Variants in TYR observed in about 807,000 individuals in gnomAD.
TYR encodes the protein tyrosinase.
TYR carries 58 observed loss-of-function variants against 51.5 expected under a neutral mutation model. The observed-to-expected ratio is 1.13, with a 90% CI of 0.91 to 1.40. The LOEUF (loss-of-function observed/expected upper bound fraction) is 1.40. Among genes scored for constraint, TYR ranks in the 40% most tolerant of loss-of-function variants. TYR has a pLI of 0.00. For synonymous variants in TYR, 263 were observed against 235.2 expected, an observed-to-expected ratio of 1.12 and a Z score of -1.08; for missense variants, 732 against 647.4, an observed-to-expected ratio of 1.13 and a Z score of -1.42.
rs1944241823 is a variant in TYR at position 89,244,707 on chromosome 11, T to C, written c.1184+16737T>C. Among the ~76,000 whole-genome samples, 3 of 152,174 alleles carry C rather than the reference T, an allele frequency of 2.0e-5. No homozygotes were observed. In the South Asian group the frequency reaches 6.2e-4, roughly 32 times the overall value. On this transcript the variant is annotated intron_variant, in intron 3 of 4. Coordinates refer to ENST00000263321, the MANE Select transcript of TYR (RefSeq NM_000372.5). ...ATATTTCCTTCTTTGCACATTCCCA[T>C]TCAAGAATGGCTTATACAGAAAAAA...
At position 89,295,249 on chromosome 11, in the gene TYR, G is replaced by C. The variant is rs753969940; in HGVS notation, c.1473G>C (p.Leu491=). The change falls in exon 5 of 5, where the codon CTG becomes CTC. Residue 491 remains leucine, a synonymous_variant. Transcript: ENST00000263321. Reference sequence around the variant, plus strand: ...TGGTAGGGGCCGTCCTCACTGCCCTGCTGGCAGGGCTTGTGAGCTTGCTGT... The same window carrying C: ...TGGTAGGGGCCGTCCTCACTGCCCTCCTGGCAGGGCTTGTGAGCTTGCTGT... ...AAMVGAVLTA[L]LAGLVSLLCR... is the part of the protein sequence containing the mutation. 1.2e-6 allele frequency: 2 copies of C among 1,613,978 alleles called. No individual in the cohort carries two copies. Among genetic ancestry groups the C allele is most frequent in the South Asian group, 2.2e-5 (2 of 91,076 alleles).
At chr11:89,229,497 T>C (rs189376880) in intron 3 of TYR, among the ~76,000 whole-genome samples, 2 of 152,084 alleles carry the variant, frequency 1.3e-5, no homozygotes, top group Admixed American at 6.6e-5. Flanking sequence ...GATTTAAGTA[T>C]GACCACTCTT....
Position 89,178,349 on chromosome 11 carries a change from C to T in TYR, c.396C>T (p.Asp132=), listed in dbSNP as rs775154879. The part of the protein sequence containing the change: ...NIFDLSAPEK[D]KFFAYLTLAK... The stretch of plus-strand genomic sequence containing the variant: ...TCGATTTGAGTGCCCCAGAGAAGGA[C>T]AAATTTTTTGCCTACCTCACTTTAG... Residue 132 remains aspartate (D), a synonymous_variant, in exon 1 of 5, where the codon GAC becomes GAT. Coordinates refer to ENST00000263321, the MANE Select transcript of TYR (RefSeq NM_000372.5). 2.0e-5 allele frequency: 32 copies of T among 1,614,154 alleles called. No individual in the cohort carries two copies. The highest frequency in any genetic ancestry group is 2.7e-5 in the Non-Finnish European group (32 of 1,180,030).
chr11:89,208,692 A>T (rs1304327809), intron 2 of TYR, among the ~76,000 whole-genome samples: 1 of 152,222 alleles, frequency 6.6e-6, no homozygotes, highest in Non-Finnish European at 1.5e-5. Flanking sequence ...TATGCATCAT[A>T]ATTTTAATCA....
chr11:89,227,880 C>T lies in TYR; in HGVS notation c.1094C>T (p.Ala365Val), dbSNP rs1943997147. The change falls in exon 3 of 5, where the codon GCC becomes GTC. Residue 365 changes from alanine (A) to valine (V), a missense_variant. By Grantham distance (64) the Ala-to-Val change is moderately conservative. Coordinates refer to ENST00000263321, the MANE Select transcript of TYR (RefSeq NM_000372.5). ...GCCTCTCAAAGCAGCATGCACAATGCCTTGCACATCTATATGAATGGAACA... is the reference window on the plus strand; with the variant it reads ...GCCTCTCAAAGCAGCATGCACAATGTCTTGCACATCTATATGAATGGAACA... ...ADASQSSMHN[A>V]LHIYMNGTMS... 1 of 1,613,360 alleles carries T rather than the reference C, an allele frequency of 6.2e-7. No individual in the cohort carries two copies. Among genetic ancestry groups the T allele is most frequent in the African/African-American group, 1.3e-5 (1 of 74,954 alleles).
intron 1 of TYR, among the ~76,000 whole-genome samples, chr11:89,185,655 C>T (rs77753013): frequency 0.017 from 2,615 of 152,196 alleles, 56 homozygotes; most frequent in African/African-American, 0.055. Context: ...AAGCCTCCCA[C>T]GGAAGCATGC....
intron 4 of TYR, among the ~76,000 whole-genome samples, chr11:89,285,323 C>T (rs1303064047): frequency 6.6e-6 from 1 of 151,734 alleles, no homozygotes; most frequent in Non-Finnish European, 1.5e-5. Context: ...GGGACCAGAA[C>T]ACATTAAAGA....
At position 89,234,438 on chromosome 11, in the gene TYR, T is replaced by G. The variant is rs999596077; in HGVS notation, c.1184+6468T>G. 1.4e-5 allele frequency among the ~76,000 whole-genome samples: 2 copies of G among 143,924 alleles called. 1 individual carries two copies. The highest frequency in any genetic ancestry group is 5.5e-5 in the African/African-American group (2 of 36,516). The allele number at this position is 143,924 out of a possible 152,430, so 94.4% of individuals were successfully genotyped here. On this transcript the variant is annotated intron_variant, in intron 3 of 4. Coordinates refer to ENST00000263321, the MANE Select transcript of TYR (RefSeq NM_000372.5). ...CACTTTGCATTTCCTTCAAGAACTT[T>G]TCTTTTGCAATTGCAACTTGACTAA...
intron 3 of TYR, among the ~76,000 whole-genome samples, chr11:89,232,537 G>A (rs1364670715): frequency 2.1e-5 from 3 of 141,616 alleles, no homozygotes; most frequent in African/African-American, 8.5e-5. Flanking sequence ...TAGATATTGG[G>A]AACTACTAGA....
At chr11:89,258,447 C>CA (rs1234640987) in intron 3 of TYR, among the ~76,000 whole-genome samples, 4,808 of 114,318 alleles carry the variant, frequency 0.042, 250 homozygotes, top group African/African-American at 0.14. Context: ...TGAAAATGTG[C>CA]AAAAAAAAAA....
intron 3 of TYR, among the ~76,000 whole-genome samples, chr11:89,263,093 GA>G (rs906907010): frequency 1.3e-5 from 2 of 151,034 alleles, no homozygotes; most frequent in Non-Finnish European, 3.0e-5. Context: ...AATACAAATG[GA>G]AAAAAAATTC....
intron 3 of TYR, among the ~76,000 whole-genome samples, chr11:89,233,954 TC>T (rs1292804677): frequency 7.0e-6 from 1 of 143,472 alleles, no homozygotes; most frequent in African/African-American, 2.8e-5. Context: ...TATCAGACTA[TC>T]CTTTGAAGCT....
chr11:89,245,375 C>T (rs1050281713), intron 3 of TYR, among the ~76,000 whole-genome samples: 2 of 152,032 alleles, frequency 1.3e-5, no homozygotes, highest in Admixed American at 1.3e-4. Flanking sequence ...GGTTAAGTAA[C>T]CAGTACTAAA....
chr11:89,212,242 T>C (rs2135270222), intron 2 of TYR, among the ~76,000 whole-genome samples: 1 of 152,070 alleles, frequency 6.6e-6, no homozygotes, highest in Non-Finnish European at 1.5e-5. Context: ...CAATAAGAAA[T>C]GATAAAGAGG....
intron 3 of TYR, among the ~76,000 whole-genome samples, chr11:89,266,095 G>C (rs1944523510): frequency 6.6e-6 from 1 of 151,964 alleles, no homozygotes; most frequent in South Asian, 2.1e-4. Context: ...TTGTGATTAA[G>C]ATGTCAGGTT....
intron 3 of TYR, among the ~76,000 whole-genome samples, chr11:89,235,744 A>G (rs1186342495): frequency 6.6e-6 from 1 of 152,114 alleles, no homozygotes; most frequent in African/African-American, 2.4e-5. Context: ...AGACATGAGA[A>G]GTAAGTTCTA....
intron 3 of TYR, among the ~76,000 whole-genome samples, chr11:89,266,008 G>A (rs114862543): frequency 0.015 from 2,206 of 152,002 alleles, 48 homozygotes; most frequent in African/African-American, 0.046. Flanking sequence ...GGGGCAAAAC[G>A]CAAAGAAAAT....
chr11:89,243,163 T>TC (rs1353825265), intron 3 of TYR, among the ~76,000 whole-genome samples: 1 of 152,258 alleles, frequency 6.6e-6, no homozygotes, highest in Non-Finnish European at 1.5e-5. Flanking sequence ...AATACAGTGC[T>TC]TTATTGGGGT....
chr11:89,199,150 C>T (rs1163264639), intron 2 of TYR, among the ~76,000 whole-genome samples: 1 of 152,188 alleles, frequency 6.6e-6, no homozygotes, highest in South Asian at 2.1e-4. Context: ...TTTCTTAATC[C>T]AGTCTATCAT....
Sources: gnomAD v4.1 joint callset for allele counts (sites outside exome capture counted in the v4.1 genomes callset) on GRCh38, gnomAD v4.1.1 for gene constraint, MANE v1.5 for transcripts, NCBI Gene and HGNC (gene_info 2026-07-23, HGNC 2026-07-21) for gene names.